The following LUZP2 variants were observed in gnomAD, a reference collection of about 807,000 sequenced individuals.
The protein encoded by LUZP2 is leucine zipper protein 2.
In LUZP2, 52 loss-of-function variants were observed where a neutral mutation model predicts 51.6. The ratio of observed to expected loss-of-function variants is 1.01; its 90% CI spans 0.81 to 1.27. LUZP2 has a LOEUF of 1.27. Ranked by LOEUF, LUZP2 falls within the 50% of genes most tolerant of loss-of-function variation. LUZP2 has a pLI of 0.00. For missense variants in LUZP2, 436 were observed against 395.4 expected (o/e 1.10, Z -0.87); for synonymous variants, 154 against 137.3 (o/e 1.12, Z -0.85).
chr11:24,798,862 T>C (rs1849617215), intron 5 of LUZP2, among the ~76,000 whole-genome samples: 1 of 152,082 alleles, frequency 6.6e-6, no homozygotes, highest in Non-Finnish European at 1.5e-5. Context: ...CAGTGGACAG[T>C]AGTGGCCAAA....
intron 1 of LUZP2, among the ~76,000 whole-genome samples, chr11:24,614,633 A>T (rs1375265994): frequency 6.6e-6 from 1 of 151,892 alleles, no homozygotes; most frequent in Non-Finnish European, 1.5e-5. Flanking sequence ...CGTAAAAATT[A>T]TTCCTGATTT....
At chr11:24,870,073 C>T (rs1852013232) in intron 5 of LUZP2, among the ~76,000 whole-genome samples, 1 of 152,126 alleles carries the variant, frequency 6.6e-6, no homozygotes, top group South Asian at 2.1e-4. Flanking sequence ...AAGATCTAAC[C>T]TGCCAAAACA....
chr11:24,792,278 T>C (rs1197288115), intron 5 of LUZP2, among the ~76,000 whole-genome samples: 1 of 151,770 alleles, frequency 6.6e-6, no homozygotes, highest in Non-Finnish European at 1.5e-5. Context: ...TACAAAAAAA[T>C]TAGCTGGGCA....
chr11:24,875,437 C>T (rs12283323), intron 5 of LUZP2, among the ~76,000 whole-genome samples: 59 of 127,116 alleles, frequency 4.6e-4, no homozygotes, highest in Middle Eastern at 3.8e-3. Context: ...TGAACTCATC[C>T]TTTTTTATGG....
At chr11:25,065,446 A>T (rs1445781829) in intron 10 of LUZP2, among the ~76,000 whole-genome samples, 1 of 152,056 alleles carries the variant, frequency 6.6e-6, no homozygotes, top group Non-Finnish European at 1.5e-5. Flanking sequence ...ATTCCTTACA[A>T]ATATTGATGA....
chr11:24,766,573 C>T (rs1205148610), intron 5 of LUZP2, among the ~76,000 whole-genome samples: 3 of 152,112 alleles, frequency 2.0e-5, no homozygotes. Context: ...TTTTCCCCTG[C>T]ATTGAAACAA....
chr11:24,566,337 T>A (rs1174839125), intron 1 of LUZP2, among the ~76,000 whole-genome samples: 1,574 of 142,494 alleles, frequency 0.011, 21 homozygotes, highest in African/African-American at 0.031. Flanking sequence ...TTTTTTTTTT[T>A]TTTTTTTTTT....
intron 10 of LUZP2, among the ~76,000 whole-genome samples, chr11:25,057,590 G>A (rs1166311996): frequency 6.6e-6 from 1 of 152,142 alleles, no homozygotes. Flanking sequence ...AAGAATTAAA[G>A]ACATTGAACA....
chr11:24,667,487 T>A (rs10767232), intron 1 of LUZP2, among the ~76,000 whole-genome samples: 42,622 of 152,028 alleles, frequency 0.28, 6,637 homozygotes, highest in Admixed American at 0.39. Context: ...GTCCACCACA[T>A]GTTCTTAAAT....
chr11:24,569,858 A>T (rs1399541082), intron 1 of LUZP2, among the ~76,000 whole-genome samples: 1 of 145,396 alleles, frequency 6.9e-6, no homozygotes, highest in Non-Finnish European at 1.5e-5. Context: ...TTTTTAAAAA[A>T]ATTTAAAATA....
At position 24,902,841 on chromosome 11, in the gene LUZP2, T is replaced by C. The variant is rs1051625789; in HGVS notation, c.397-3150T>C. Among the ~76,000 whole-genome samples the C allele has an allele frequency of 3.3e-5, 5 of 152,232 alleles. No homozygotes were observed. The East Asian group carries it at 9.6e-4, about 29-fold the overall frequency. ...CAGATCAACATTCAAAATTTCCCCT[T>C]AGTGTTAGCAGCATTAATAAGTGAA... On this transcript the variant is annotated intron_variant, in intron 5 of 11. Coordinates refer to ENST00000336930, the MANE Select transcript of LUZP2 (RefSeq NM_001009909.4).
chr11:24,528,554 C>T lies in LUZP2; in HGVS notation c.62+31249C>T, dbSNP rs188999991. On this transcript the variant is annotated intron_variant, in intron 1 of 11. Coordinates refer to ENST00000336930, the MANE Select transcript of LUZP2 (RefSeq NM_001009909.4). ...TAAGTTTTAGGGTACACGTGCACAACGTACAGGTTTGTTACATATGTATAC... is the reference window on the plus strand; with the variant it reads ...TAAGTTTTAGGGTACACGTGCACAATGTACAGGTTTGTTACATATGTATAC... 9.3e-4 allele frequency among the ~76,000 whole-genome samples: 141 copies of T among 151,272 alleles called. 1 individual carries two copies. The South Asian group carries it at 0.021, about 23-fold the overall frequency.
intron 4 of LUZP2, among the ~76,000 whole-genome samples, chr11:24,748,978 G>T (rs2134004854): frequency 6.6e-6 from 1 of 152,272 alleles, no homozygotes; most frequent in Middle Eastern, 3.4e-3. Flanking sequence ...CATATAATTT[G>T]TAACCCTTCA....
At chr11:24,521,449 A>G (rs1850640868) in intron 1 of LUZP2, among the ~76,000 whole-genome samples, 1 of 152,090 alleles carries the variant, frequency 6.6e-6, no homozygotes, top group Non-Finnish European at 1.5e-5. Context: ...GAATTAAAAG[A>G]AGCAGGACTC....
At chr11:25,019,347 T>C (rs184207589) in intron 9 of LUZP2, among the ~76,000 whole-genome samples, 101 of 152,268 alleles carry the variant, frequency 6.6e-4, no homozygotes, top group Admixed American at 2.4e-3. Context: ...AAATAATAAG[T>C]TGCTCACAAA....
chr11:24,956,611 A>G (rs557147632), intron 7 of LUZP2, among the ~76,000 whole-genome samples: 2 of 152,256 alleles, frequency 1.3e-5, no homozygotes, highest in Non-Finnish European at 2.9e-5. Flanking sequence ...CTGTTCACGG[A>G]AAACATGCAG....
chr11:24,988,041 A>G (rs924817622), intron 9 of LUZP2, among the ~76,000 whole-genome samples: 1 of 152,108 alleles, frequency 6.6e-6, no homozygotes, highest in East Asian at 1.9e-4. Flanking sequence ...TATTTTAGAA[A>G]TGAGAAAGGA....
At chr11:24,711,564 C>A (rs1320900990) in intron 1 of LUZP2, among the ~76,000 whole-genome samples, 2 of 152,016 alleles carry the variant, frequency 1.3e-5, no homozygotes, top group African/African-American at 4.8e-5. Flanking sequence ...GATGATTATG[C>A]GGATGGAGTT....
chr11:24,587,841 A>T (rs1407447044), intron 1 of LUZP2, among the ~76,000 whole-genome samples: 1 of 152,006 alleles, frequency 6.6e-6, no homozygotes, highest in Non-Finnish European at 1.5e-5. Flanking sequence ...GTGAGAGGGA[A>T]AAAAAGGCAT....
Sources: gnomAD v4.1 joint callset for allele counts (sites outside exome capture counted in the v4.1 genomes callset) on GRCh38, gnomAD v4.1.1 for gene constraint, MANE v1.5 for transcripts, NCBI Gene and HGNC (gene_info 2026-07-23, HGNC 2026-07-21) for gene names.